Variants in TSPAN2 observed in about 807,000 individuals in gnomAD.
TSPAN2 encodes the protein tetraspanin 2.
In TSPAN2, 24 loss-of-function variants were observed where a neutral mutation model predicts 33.3. The ratio of observed to expected loss-of-function variants is 0.72; its 90% CI spans 0.52 to 1.01. The LOEUF is 1.01. TSPAN2 is among the 50% of genes least tolerant of loss of function. TSPAN2 has a pLI of 0.00. For missense variants in TSPAN2, 278 were observed against 281.3 expected, an observed-to-expected ratio of 0.99 and a Z score of 0.08; for synonymous variants, 114 against 104.5, an observed-to-expected ratio of 1.09 and a Z score of -0.56.
In TSPAN2 at chr1:115,050,199, T is replaced by C. The variant is rs3738706; in HGVS notation, c.*291A>G. On this transcript the variant is annotated 3_prime_UTR_variant, in exon 8 of 8. Transcript: ENST00000369516. The stretch of plus-strand genomic sequence containing the variant: ...TTTCTGGGAGCGAAATAGGTTGTTC[T>C]TCTTATATAACAAGAATCAGGAATT... 0.42 allele frequency: 149,624 copies of C among 357,948 alleles called. 32,508 individuals carry two copies. The highest frequency in any genetic ancestry group is 0.51 in the East Asian group (7,670 of 14,950). 22.2% of individuals were successfully genotyped at this position (357,948 alleles called of 1,614,324 possible).
chr1:115,070,119 A>G (rs891341572), intron 2 of TSPAN2, among the ~76,000 whole-genome samples: 12 of 152,118 alleles, frequency 7.9e-5, no homozygotes, highest in South Asian at 2.1e-4. Flanking sequence ...CCTCCCTCTG[A>G]TGGAGCGGGG....
intron 1 of TSPAN2, among the ~76,000 whole-genome samples, chr1:115,074,999 A>T (rs1648346504): frequency 6.6e-6 from 1 of 151,796 alleles, no homozygotes; most frequent in Admixed American, 6.6e-5. Context: ...ACAAAGCAAG[A>T]CCTATTGACA....
chr1:115,088,770 C>T (rs1324713435), intron 1 of TSPAN2, among the ~76,000 whole-genome samples: 4 of 143,794 alleles, frequency 2.8e-5, no homozygotes, highest in African/African-American at 9.8e-5. Flanking sequence ...ACCACCTCCT[C>T]TCACCCAGGG....
intron 1 of TSPAN2, among the ~76,000 whole-genome samples, chr1:115,075,966 G>A (rs1648388817): frequency 6.6e-6 from 1 of 151,984 alleles, no homozygotes; most frequent in Non-Finnish European, 1.5e-5. Flanking sequence ...CAGGTACTGT[G>A]CTCAGTGTCA....
intron 2 of TSPAN2, among the ~76,000 whole-genome samples, chr1:115,068,125 C>T (rs11806315): frequency 0.031 from 4,762 of 152,268 alleles, 120 homozygotes; most frequent in Non-Finnish European, 0.042. Context: ...GCCTCCAGGC[C>T]TTGGCCTGGA....
At chr1:115,085,342 G>A (rs1648793424) in intron 1 of TSPAN2, among the ~76,000 whole-genome samples, 1 of 152,180 alleles carries the variant, frequency 6.6e-6, no homozygotes, top group African/African-American at 2.4e-5. Flanking sequence ...ATACTGTGCT[G>A]GCTCTGGCAG....
At chr1:115,086,727 T>C (rs564309028) in intron 1 of TSPAN2, among the ~76,000 whole-genome samples, 1 of 152,348 alleles carries the variant, frequency 6.6e-6, no homozygotes, top group African/African-American at 2.4e-5. Flanking sequence ...GTTTCCTCAA[T>C]GAGATGAGCA....
chr1:115,073,779 C>T (rs1350338593), intron 1 of TSPAN2, among the ~76,000 whole-genome samples: 1 of 152,002 alleles, frequency 6.6e-6, no homozygotes, highest in East Asian at 1.9e-4. Flanking sequence ...CAGGCAGTGG[C>T]TAGGCAGGCT....
intron 5 of TSPAN2, 137 bp downstream of exon 5, chr1:115,058,746 T>C: frequency 1.3e-6 from 1 of 760,542 alleles, no homozygotes; most frequent in Non-Finnish European, 2.3e-6. Flanking sequence ...ACTGTGGCCC[T>C]CAAAAGGGCT....
chr1:115,065,096 G>T (rs1429276748), intron 2 of TSPAN2, among the ~76,000 whole-genome samples: 2 of 152,218 alleles, frequency 1.3e-5, no homozygotes, highest in Non-Finnish European at 2.9e-5. Context: ...TTCTCAGCCA[G>T]CCTCTGTTTT....
chr1:115,087,243 T>A (rs1376087703), intron 1 of TSPAN2, among the ~76,000 whole-genome samples: 2 of 151,992 alleles, frequency 1.3e-5, no homozygotes, highest in Non-Finnish European at 2.9e-5. Flanking sequence ...TCTGACAAAT[T>A]CCCAGGATAT....
chr1:115,058,444 G>C, intron 5 of TSPAN2: 1 of 230,988 alleles, frequency 4.3e-6, no homozygotes, highest in Non-Finnish European at 8.4e-6. Context: ...TGAGGGAGCT[G>C]CGTGGGTATC....
In TSPAN2 at chr1:115,050,427, G is replaced by T. The variant is rs1035456316; in HGVS notation, c.*63C>A. On this transcript the variant is annotated 3_prime_UTR_variant, in exon 8 of 8. Transcript: ENST00000369516. ...CATTTCAGTGTTAAAAATGAGCTGG[G>T]AGACAGCTCCTGTGACATTTGGTAT... The T allele has an allele frequency of 2.8e-6, 4 of 1,404,160 alleles. No homozygotes were observed. In the African/African-American group the frequency reaches 5.7e-5, roughly 20 times the overall value. 87.0% of individuals were successfully genotyped at this position (1,404,160 alleles called of 1,614,324 possible). A position where few individuals can be genotyped will look rare whatever the true frequency, so the allele number is the denominator to read the frequency against.
intron 1 of TSPAN2, among the ~76,000 whole-genome samples, chr1:115,079,055 A>ATAAATCTACACAATG (rs1648520139): frequency 6.6e-6 from 1 of 151,584 alleles, no homozygotes. Context: ...GATACAAAGA[A>ATAAATCTACACAATG]TAAATCTACA....
chr1:115,069,669 G>C (rs896145311), intron 2 of TSPAN2, among the ~76,000 whole-genome samples: 5 of 152,286 alleles, frequency 3.3e-5, no homozygotes, highest in African/African-American at 1.2e-4. Flanking sequence ...AGTCAATAAA[G>C]GTCTGTGTTG....
intron 6 of TSPAN2, 23 bp downstream of exon 6, chr1:115,057,514 T>G (rs1570967014): frequency 6.2e-7 from 1 of 1,610,740 alleles, no homozygotes; most frequent in Non-Finnish European, 8.5e-7. Context: ...ACAGGTAGAG[T>G]AAGAACCTTG....
intron 6 of TSPAN2, among the ~76,000 whole-genome samples, chr1:115,054,785 G>A (rs1570964990): frequency 2.0e-5 from 3 of 152,170 alleles, no homozygotes; most frequent in East Asian, 3.9e-4. Flanking sequence ...TCAGGAGATC[G>A]AGACCAGCCT....
chr1:115,053,023 G>C (rs949999534), intron 7 of TSPAN2, among the ~76,000 whole-genome samples: 2 of 152,136 alleles, frequency 1.3e-5, no homozygotes, highest in East Asian at 3.8e-4. Context: ...TCTTCAAATC[G>C]TAGGTGAGAG....
rs1675259598 is a variant in TSPAN2 at position 115,049,774 on chromosome 1, CT to C, written c.*715del. On this transcript the variant is annotated 3_prime_UTR_variant, in exon 8 of 8. Coordinates refer to ENST00000369516, the MANE Select transcript of TSPAN2 (RefSeq NM_005725.6). ...TAAAAGTTTTTTAGTCCTATAAACA[CT>C]CACTTTTATAGGGCACATGATTGTC... The C allele has an allele frequency of 1.3e-5, 2 of 152,692 alleles. No homozygotes were observed. The highest frequency in any genetic ancestry group is 3.9e-4 in the East Asian group (2 of 5,186). 9.5% of individuals were successfully genotyped at this position (152,692 alleles called of 1,614,324 possible).
Sources: allele counts gnomAD v4.1 joint callset (sites outside exome capture counted in the v4.1 genomes callset), GRCh38; gene constraint gnomAD v4.1.1; transcripts MANE v1.5; gene names NCBI Gene and HGNC (gene_info 2026-07-23, HGNC 2026-07-21).